KIAA0319: variants seen among roughly 807,000 people sequenced by gnomAD.
KIAA0319 encodes the protein KIAA0319, also known as dyslexia-associated protein KIAA0319.
KIAA0319 carries 83 observed loss-of-function variants against 108.4 expected under a neutral mutation model. That is an observed-to-expected ratio of 0.77 (90% confidence interval 0.64 to 0.92). The LOEUF is 0.92. Ranked by LOEUF, KIAA0319 falls within the 40% of genes least tolerant of loss-of-function variation. The probability of loss-of-function intolerance (pLI) is 0.00; values close to 1 mark genes in which losing one functional copy is unlikely to be tolerated. For missense variants in KIAA0319, 1,195 were observed against 1,322.4 expected, an observed-to-expected ratio of 0.90 and a Z score of 1.49; for synonymous variants, 484 against 510.4, an observed-to-expected ratio of 0.95 and a Z score of 0.70.
chr6:24,567,807 A>G (rs896116970), intron 13 of KIAA0319, among the ~76,000 whole-genome samples: 1 of 152,148 alleles, frequency 6.6e-6, no homozygotes, highest in African/African-American at 2.4e-5. Flanking sequence ...CAGTGGGGAG[A>G]TCATAATAAG....
At position 24,544,178 on chromosome 6, in the gene KIAA0319, T is replaced by A. The variant is rs1760343698; in HGVS notation, c.*2987A>T. 1 of 152,242 alleles carries A rather than the reference T, an allele frequency of 6.6e-6. No individual in the cohort carries two copies. The highest frequency in any genetic ancestry group is 2.4e-5 in the African/African-American group (1 of 41,466). The allele number at this position is 152,242 out of a possible 1,614,324, so 9.4% of individuals were successfully genotyped here. A position where few individuals can be genotyped will look rare whatever the true frequency, so the allele number is the denominator to read the frequency against. On this transcript the variant is annotated 3_prime_UTR_variant, in exon 21 of 21. Transcript: ENST00000378214. ...ATAGTTCACATGTTTCAAATTTTTT[T>A]ATTTATTTTTAACCATTTGAAAACA... is the stretch of plus-strand genomic sequence containing the variant.
chr6:24,547,174 C>T lies in KIAA0319; in HGVS notation c.3210G>A (p.Lys1070=). The T allele has an allele frequency of 6.2e-7, 1 of 1,614,100 alleles. No individual in the cohort carries two copies. Among genetic ancestry groups the T allele is most frequent in the Non-Finnish European group, 8.5e-7 (1 of 1,179,978 alleles). Residue 1070 remains lysine, a synonymous_variant, in exon 21 of 21, where the codon AAG becomes AAA. Coordinates refer to ENST00000378214, the MANE Select transcript of KIAA0319 (RefSeq NM_014809.4). ...RNGASFSYCS[K]DR ...ACAATGAACTGCGCCATTATCTGTC[C>T]TTTGAGCAATAACTGAAGGAAGCTC...
chr6:24,544,990 G>C lies in KIAA0319; in HGVS notation c.*2175C>G, dbSNP rs1381111489. 2 of 152,224 alleles carry C rather than the reference G, an allele frequency of 1.3e-5. No homozygotes were observed. Among genetic ancestry groups the C allele is most frequent in the Non-Finnish European group, 2.9e-5 (2 of 68,064 alleles). 9.4% of individuals were successfully genotyped at this position (152,224 alleles called of 1,614,324 possible). On this transcript the variant is annotated 3_prime_UTR_variant, in exon 21 of 21. Coordinates refer to ENST00000378214, the MANE Select transcript of KIAA0319 (RefSeq NM_014809.4). Reference sequence around the variant, plus strand: ...GCAGAAGAAGTCCACTGTAAACCTAGAGGGAGGGGTGGCCCGGGTGTGATC... The same window carrying C: ...GCAGAAGAAGTCCACTGTAAACCTACAGGGAGGGGTGGCCCGGGTGTGATC...
chr6:24,591,607 C>T (rs1016299525), intron 3 of KIAA0319, among the ~76,000 whole-genome samples: 7 of 152,136 alleles, frequency 4.6e-5, no homozygotes, highest in African/African-American at 7.2e-5. Flanking sequence ...TCTCAAAAAA[C>T]GAAAATCAAA....
chr6:24,613,180 C>T (rs1190659559), intron 1 of KIAA0319, among the ~76,000 whole-genome samples: 5 of 152,028 alleles, frequency 3.3e-5, no homozygotes, highest in Non-Finnish European at 4.4e-5. Context: ...TACATCTACT[C>T]GGCATTAAGA....
intron 11 of KIAA0319, among the ~76,000 whole-genome samples, chr6:24,571,099 C>T (rs1036942589): frequency 6.6e-6 from 1 of 150,916 alleles, no homozygotes; most frequent in Non-Finnish European, 1.5e-5. Context: ...GGCTGAGGCA[C>T]TAGAATCATT....
At chr6:24,598,978 T>C in intron 2 of KIAA0319, 1 of 657,954 alleles carries the variant, frequency 1.5e-6, no homozygotes, top group Non-Finnish European at 2.8e-6. Flanking sequence ...AAGGTAAAGC[T>C]GGAGGAGTCT....
Position 24,630,710 on chromosome 6 carries a change from T to TATATATATAC in KIAA0319, c.-106+15025_-106+15026insGTATATATAT, listed in dbSNP as rs373537245. ...ATATATATATATATATATACACATA[T>TATATATATAC]ACACACAAACTTTAGTACAGCTATC... On this transcript the variant is annotated intron_variant, in intron 1 of 20. Transcript: ENST00000378214. 8.7e-5 allele frequency among the ~76,000 whole-genome samples: 12 copies of TATATATATAC among 138,682 alleles called. 1 individual carries two copies. The highest frequency in any genetic ancestry group is 2.1e-4 in the South Asian group (1 of 4,696). The allele number at this position is 138,682 out of a possible 152,430, so 91.0% of individuals were successfully genotyped here. A position where few individuals can be genotyped will look rare whatever the true frequency, so the allele number is the denominator to read the frequency against.
intron 1 of KIAA0319, among the ~76,000 whole-genome samples, chr6:24,613,231 T>C (rs1353301554): frequency 2.0e-5 from 3 of 152,082 alleles, no homozygotes; most frequent in Non-Finnish European, 2.9e-5. Context: ...AGAAAAGACC[T>C]GGGTTAAATG....
intron 4 of KIAA0319, among the ~76,000 whole-genome samples, chr6:24,584,646 C>T (rs1344644134): frequency 1.3e-5 from 2 of 152,066 alleles, no homozygotes; most frequent in Non-Finnish European, 2.9e-5. Context: ...AACTGTAGAC[C>T]TAGAAGGGAC....
At chr6:24,581,818 C>G (rs1766592855) in intron 6 of KIAA0319, among the ~76,000 whole-genome samples, 1 of 152,200 alleles carries the variant, frequency 6.6e-6, no homozygotes, top group Non-Finnish European at 1.5e-5. Context: ...AAACTTTATT[C>G]ATTCATATCC....
chr6:24,592,429 C>A (rs1406049796), intron 3 of KIAA0319, among the ~76,000 whole-genome samples: 1 of 151,898 alleles, frequency 6.6e-6, no homozygotes, highest in Non-Finnish European at 1.5e-5. Flanking sequence ...AGTTTCTTTT[C>A]TTTCTTTCTT....
At chr6:24,589,479 G>A (rs1768112756) in intron 3 of KIAA0319, among the ~76,000 whole-genome samples, 3 of 152,148 alleles carry the variant, frequency 2.0e-5, no homozygotes, top group Non-Finnish European at 4.4e-5. Context: ...CACGTGTCAA[G>A]GGAGAGACCA....
At chr6:24,569,570 A>C (rs554351357) in intron 12 of KIAA0319, among the ~76,000 whole-genome samples, 21 of 152,280 alleles carry the variant, frequency 1.4e-4, no homozygotes, top group Middle Eastern at 6.8e-3. Flanking sequence ...CGCCCCTTAC[A>C]CTGCACTTCT....
At chr6:24,625,307 G>A (rs1251867989) in intron 1 of KIAA0319, among the ~76,000 whole-genome samples, 1 of 152,118 alleles carries the variant, frequency 6.6e-6, no homozygotes, top group Non-Finnish European at 1.5e-5. Context: ...AGTAAATGTA[G>A]CAGAAATATC....
intron 3 of KIAA0319, among the ~76,000 whole-genome samples, chr6:24,592,863 T>C (rs543313652): frequency 2.0e-5 from 3 of 152,208 alleles, no homozygotes; most frequent in South Asian, 2.1e-4. Flanking sequence ...CCCAGCTACC[T>C]TGTGGGGCTG....
In KIAA0319 at chr6:24,613,965, T is replaced by C. The variant is rs1772762676; in HGVS notation, c.-105-12757A>G. ...ACTGCCTTGTTTTTTTGGTAAGGCT[T>C]GCCCAAAACTATCCTGTGGATAATA... is the stretch of plus-strand genomic sequence containing the variant. On this transcript the variant is annotated intron_variant, in intron 1 of 20. Coordinates refer to ENST00000378214, the MANE Select transcript of KIAA0319 (RefSeq NM_014809.4). Among the ~76,000 whole-genome samples, 4 of 152,168 alleles carry C rather than the reference T, an allele frequency of 2.6e-5. No individual in the cohort carries two copies. In the South Asian group the frequency reaches 8.3e-4, roughly 32 times the overall value.
At chr6:24,628,069 G>A (rs11759218) in intron 1 of KIAA0319, among the ~76,000 whole-genome samples, 8,536 of 152,198 alleles carry the variant, frequency 0.056, 326 homozygotes, top group Middle Eastern at 0.11. Context: ...TCAAGCACAC[G>A]TAGTGCTGGA....
At chr6:24,597,288 A>C (rs1336892303) in intron 2 of KIAA0319, among the ~76,000 whole-genome samples, 1 of 152,216 alleles carries the variant, frequency 6.6e-6, no homozygotes, top group Non-Finnish European at 1.5e-5. Flanking sequence ...AGGCTATTTT[A>C]ATGGTGGATA....
Sources: allele counts gnomAD v4.1 joint callset (sites outside exome capture counted in the v4.1 genomes callset), GRCh38; gene constraint gnomAD v4.1.1; transcripts MANE v1.5; gene names NCBI Gene and HGNC (gene_info 2026-07-23, HGNC 2026-07-21).